Variants in AGAP1 observed in about 807,000 individuals in gnomAD.
The protein encoded by AGAP1 is arf-GAP with GTPase, ANK repeat and PH domain-containing protein 1.
A neutral mutation model predicts 105.3 loss-of-function variants in AGAP1; 29 were observed. The ratio of observed to expected loss-of-function variants is 0.28; its 90% CI spans 0.21 to 0.38. The LOEUF is 0.38. Among genes scored for constraint, AGAP1 ranks in the 10% least tolerant of loss-of-function variants. The pLI is 1.00. For synonymous variants in AGAP1, 509 were observed against 485.9 expected (o/e 1.05, Z -0.63); for missense variants, 998 against 1,165.1 (o/e 0.86, Z 2.09).
At position 235,982,828 on chromosome 2, in the gene AGAP1, G is replaced by A. The variant is rs1306876315; in HGVS notation, c.1645+14205G>A. On this transcript the variant is annotated intron_variant, in intron 13 of 17. Coordinates refer to ENST00000304032, the MANE Select transcript of AGAP1 (RefSeq NM_001037131.3). This position sits in a 1 kb window ranked among gnomAD's most constrained non-coding sequence, Gnocchi z 4.9. ...AATATGTTACTGTCATCAGTGACTT[G>A]TTACCTTCTGTTTCTGATTGCCAGC... 6.6e-6 allele frequency among the ~76,000 whole-genome samples: 1 copy of A among 152,146 alleles called. No homozygotes were observed. The highest frequency in any genetic ancestry group is 2.4e-5 in the African/African-American group (1 of 41,430).
rs1576173055 is a variant in AGAP1 at position 236,050,517 on chromosome 2, C to A, written c.2114+1236C>A. Among the ~76,000 whole-genome samples the A allele has an allele frequency of 6.6e-6, 1 of 152,134 alleles. No homozygotes were observed. Among genetic ancestry groups the A allele is most frequent in the Non-Finnish European group, 1.5e-5 (1 of 68,020 alleles). On this transcript the variant is annotated intron_variant, in intron 16 of 17. Transcript: ENST00000304032. The surrounding 1 kb of genome is among the most constrained non-coding windows in gnomAD (Gnocchi z 4.0). Reference sequence around the variant, plus strand: ...ATTATGCACTTTAAAAAGTATTTATCTTGATTTGTTTAATGCTACCATAGA... The same window carrying A: ...ATTATGCACTTTAAAAAGTATTTATATTGATTTGTTTAATGCTACCATAGA...
chr2:235,799,519 C>A lies in AGAP1; in HGVS notation c.954C>A (p.Phe318Leu). Residue 318 changes from phenylalanine (F) to leucine (L), a missense_variant, in exon 8 of 18, where the codon TTC becomes TTA. By Grantham distance (22) the Phe-to-Leu change is conservative. This residue lies in a region of AGAP1 where 735 missense variants were observed against 833.4 expected (regional missense o/e 0.88). Coordinates refer to ENST00000304032, the MANE Select transcript of AGAP1 (RefSeq NM_001037131.3). This position sits in a 1 kb window ranked among gnomAD's most constrained non-coding sequence, Gnocchi z 5.0. Reference sequence around the variant, plus strand: ...AGTCTAAGCGCCGGTCCAACCTGTTCACCGTGAGTGTCAACCCTGGGTGGA... The same window carrying A: ...AGTCTAAGCGCCGGTCCAACCTGTTAACCGTGAGTGTCAACCCTGGGTGGA... ...RKQSKRRSNLFTSRKGSDPDK... is the reference protein window; with the variant it reads ...RKQSKRRSNLLTSRKGSDPDK... 6.2e-7 allele frequency: 1 copy of A among 1,613,988 alleles called. No homozygotes were observed. Among genetic ancestry groups the A allele is most frequent in the Non-Finnish European group, 8.5e-7 (1 of 1,179,892 alleles).
At chr2:235,718,689 C>T (rs1391890709) in intron 3 of AGAP1, among the ~76,000 whole-genome samples, 1 of 152,154 alleles carries the variant, frequency 6.6e-6, no homozygotes, top group Non-Finnish European at 1.5e-5. Context: ...GGCTCTGCCA[C>T]CGTTTTGCAG....
At position 235,867,204 on chromosome 2, in the gene AGAP1, G is replaced by C. The variant is rs2049214739; in HGVS notation, c.1051-16141G>C. ...TTCTGGCCTCTGATTGGGTCTGCAT[G>C]GTTTCCTGTCCTGTAGCAGTCTTCT... On this transcript the variant is annotated intron_variant, in intron 9 of 17. Coordinates refer to ENST00000304032, the MANE Select transcript of AGAP1 (RefSeq NM_001037131.3). This position sits in a 1 kb window ranked among gnomAD's most constrained non-coding sequence, Gnocchi z 5.4. Among the ~76,000 whole-genome samples the C allele has an allele frequency of 6.6e-6, 1 of 152,178 alleles. No homozygotes were observed. Among genetic ancestry groups the C allele is most frequent in the Non-Finnish European group, 1.5e-5 (1 of 68,034 alleles).
intron 1 of AGAP1, among the ~76,000 whole-genome samples, chr2:235,524,827 T>G (rs1245296163): frequency 1.3e-5 from 2 of 152,218 alleles, no homozygotes; most frequent in African/African-American, 2.4e-5. Flanking sequence ...GAGAAACTCT[T>G]CAGTGAACAG....
At chr2:235,933,493 A>G (rs1416936086) in intron 12 of AGAP1, among the ~76,000 whole-genome samples, 2 of 151,872 alleles carry the variant, frequency 1.3e-5, no homozygotes, top group Non-Finnish European at 2.9e-5. Context: ...TCTGATTCCT[A>G]CAGCTTTATG....
intron 1 of AGAP1, among the ~76,000 whole-genome samples, chr2:235,560,598 G>A (rs1282389251): frequency 1.3e-5 from 2 of 152,202 alleles, no homozygotes; most frequent in Non-Finnish European, 2.9e-5. Flanking sequence ...TGGAAGGAGG[G>A]CGAGAGAGTT....
chr2:235,996,422 T>TC (rs1448299916), intron 13 of AGAP1, among the ~76,000 whole-genome samples: 1 of 152,242 alleles, frequency 6.6e-6, no homozygotes, highest in African/African-American at 2.4e-5. Context: ...GTGCTGTAGT[T>TC]AAGAGAATAG....
chr2:235,759,013 G>C (rs1287652993), intron 6 of AGAP1, among the ~76,000 whole-genome samples: 1 of 151,882 alleles, frequency 6.6e-6, no homozygotes, highest in Admixed American at 6.6e-5. Flanking sequence ...GCCTAGTCTC[G>C]AACTCCTGAG....
At chr2:235,772,311 C>T (rs1164276916) in intron 6 of AGAP1, among the ~76,000 whole-genome samples, 1 of 152,092 alleles carries the variant, frequency 6.6e-6, no homozygotes, top group African/African-American at 2.4e-5. Context: ...TCTTATAATC[C>T]CGCTAATGAC....
chr2:235,937,596 G>A (rs1393700697), intron 12 of AGAP1, among the ~76,000 whole-genome samples: 7 of 152,234 alleles, frequency 4.6e-5, no homozygotes, highest in African/African-American at 1.7e-4. Flanking sequence ...TAAACAGGGA[G>A]TAGAGAAGGA....
chr2:235,702,934 G>GTTT (rs549844265), intron 1 of AGAP1, among the ~76,000 whole-genome samples: 10 of 88,962 alleles, frequency 1.1e-4, no homozygotes, highest in Admixed American at 7.5e-4. Flanking sequence ...AGTTTTCTTG[G>GTTT]TTTTTTTTTT....
At chr2:235,813,588 G>A (rs1958280944) in intron 9 of AGAP1, among the ~76,000 whole-genome samples, 1 of 152,240 alleles carries the variant, frequency 6.6e-6, no homozygotes, top group Non-Finnish European at 1.5e-5. Context: ...CAGTCAGGCG[G>A]GTTGTGGGGA....
chr2:235,961,122 C>T lies in AGAP1; in HGVS notation c.1484-7340C>T, dbSNP rs1391093919. ...AGCGAAGGCCTGCCTTCCTGAAGCT[C>T]GAGCGCTCATAGGGAAGATGTTCCG... is the stretch of plus-strand genomic sequence containing the variant. On this transcript the variant is annotated intron_variant, in intron 12 of 17. Transcript: ENST00000304032. The surrounding 1 kb of genome is among the most constrained non-coding windows in gnomAD (Gnocchi z 5.9). Among the ~76,000 whole-genome samples the T allele has an allele frequency of 1.3e-5, 2 of 152,164 alleles. No homozygotes were observed. The highest frequency in any genetic ancestry group is 4.8e-5 in the African/African-American group (2 of 41,432).
chr2:235,885,725 G>A (rs530457965), intron 10 of AGAP1, among the ~76,000 whole-genome samples: 7 of 152,176 alleles, frequency 4.6e-5, no homozygotes, highest in African/African-American at 1.4e-4. Context: ...GTCTTTTAGC[G>A]TAGCTATACC....
At position 236,082,490 on chromosome 2, in the gene AGAP1, C is replaced by G. The variant is rs1172988713; in HGVS notation, c.2114+33209C>G. Among the ~76,000 whole-genome samples, 1 of 152,164 alleles carries G rather than the reference C, an allele frequency of 6.6e-6. No individual in the cohort carries two copies. Among genetic ancestry groups the G allele is most frequent in the Admixed American group, 6.5e-5 (1 of 15,274 alleles). On this transcript the variant is annotated intron_variant, in intron 16 of 17. Transcript: ENST00000304032. This position sits in a 1 kb window ranked among gnomAD's most constrained non-coding sequence, Gnocchi z 4.2. ...GGGAGAGCTTTTCCTAAGCATCGAT[C>G]CCCTCCAGAAAGGAAGATGGTTCCC...
intron 1 of AGAP1, among the ~76,000 whole-genome samples, chr2:235,650,922 A>G (rs1315932348): frequency 3.3e-5 from 5 of 152,006 alleles, no homozygotes; most frequent in South Asian, 2.1e-4. Context: ...GCTCACGCCT[A>G]TAATCCCAGC....
intron 1 of AGAP1, among the ~76,000 whole-genome samples, chr2:235,575,083 A>T (rs138288126): frequency 6.6e-6 from 1 of 152,226 alleles, no homozygotes; most frequent in African/African-American, 2.4e-5. Context: ...CGATCGTACC[A>T]CTGCACTCCA....
intron 6 of AGAP1, among the ~76,000 whole-genome samples, chr2:235,784,095 T>A (rs1196169047): frequency 1.3e-5 from 2 of 152,156 alleles, no homozygotes; most frequent in Non-Finnish European, 2.9e-5. Flanking sequence ...TCAAATTTTT[T>A]TTGTATGCTT....
Sources: gnomAD v4.1 joint callset for allele counts (sites outside exome capture counted in the v4.1 genomes callset) on GRCh38, gnomAD v4.1.1 for gene constraint, gnomAD v4.1.1 regional missense constraint, Gnocchi (gnomAD v3.1) non-coding constraint, MANE v1.5 for transcripts, NCBI Gene and HGNC (gene_info 2026-07-23, HGNC 2026-07-21) for gene names.